KANK3: variants seen among roughly 807,000 people sequenced by gnomAD.
KANK3 encodes the protein KN motif and ankyrin repeat domains 3.
KANK3 carries 61 observed loss-of-function variants against 65.4 expected under a neutral mutation model. The observed-to-expected ratio is 0.93, with a 90% CI of 0.76 to 1.15. The LOEUF (loss-of-function observed/expected upper bound fraction) is 1.15, where lower values mean the gene tolerates loss of function less well. KANK3 is among the 50% of genes most tolerant of loss of function. The pLI is 0.00. For missense variants in KANK3, 1,187 were observed against 1,178.8 expected (o/e 1.01, Z -0.10); for synonymous variants, 586 against 543.3 (o/e 1.08, Z -1.09).
At position 8,333,935 on chromosome 19, in the gene KANK3, C is replaced by G; in HGVS notation, c.1609G>C (p.Glu537Gln). ...CTCCCCTGTGCCACCTGCTGAGGCT[C>G]TGCCTCCGCCTCGGGCTCAGGGTCC... is the stretch of plus-strand genomic sequence containing the variant. ...IRDPEPEAEA[E>Q]PQQVAQGRCE... is the part of the protein sequence containing the mutation. Residue 537 changes from glutamate (E) to glutamine (Q), a missense_variant, in exon 5 of 11, where the codon GAG (glutamate) becomes CAG (glutamine). Coordinates refer to ENST00000330915, the MANE Select transcript of KANK3 (RefSeq NM_198471.3). This position sits in a 1 kb window ranked among gnomAD's most constrained non-coding sequence, Gnocchi z 5.0. The G allele has an allele frequency of 6.3e-7, 1 of 1,575,994 alleles. No homozygotes were observed. The highest frequency in any genetic ancestry group is 8.6e-7 in the Non-Finnish European group (1 of 1,164,134).
At chr19:8,336,917 AG>A (rs1448672887) in intron 2 of KANK3, among the ~76,000 whole-genome samples, 1 of 151,982 alleles carries the variant, frequency 6.6e-6, no homozygotes, top group Admixed American at 6.6e-5. Flanking sequence ...TAAAGAAGGC[AG>A]GGGGAAGAGG....
chr19:8,325,084 A>G lies in KANK3; in HGVS notation c.1949T>C (p.Val650Ala). The G allele has an allele frequency of 6.2e-7, 1 of 1,612,374 alleles. No homozygotes were observed. Among genetic ancestry groups the G allele is most frequent in the African/African-American group, 1.3e-5 (1 of 74,936 alleles). The change falls in exon 8 of 11, where the codon GTC becomes GCC. Residue 650 changes from valine to alanine, a missense_variant. Coordinates refer to ENST00000330915, the MANE Select transcript of KANK3 (RefSeq NM_198471.3). Reference protein sequence around the residue: ...SLLLDTGACEVNRQNRAGYSA... With the variant: ...SLLLDTGACEANRQNRAGYSA... ...GTAGCCGGCTCGGTTCTGGCGGTTG[A>G]CCTCGCAGGCCCCTGGGAGAGAAAA...
intron 7 of KANK3, among the ~76,000 whole-genome samples, chr19:8,331,243 G>C (rs552214923): frequency 3.8e-4 from 58 of 152,064 alleles, no homozygotes; most frequent in African/African-American, 1.2e-3. Context: ...AAATGTAGGA[G>C]ATAAAGGGGC....
Position 8,322,762 on chromosome 19 carries a change from CTT to C in KANK3, c.*75_*76del. 8.8e-7 allele frequency: 1 copy of C among 1,142,372 alleles called. No homozygotes were observed. The highest frequency in any genetic ancestry group is 1.3e-6 in the Non-Finnish European group (1 of 773,914). 70.8% of individuals were successfully genotyped at this position (1,142,372 alleles called of 1,614,324 possible). ...GCCTCTGAGCAGGGGACCCTGGACC[CTT>C]CTGTGCGCCAAAGGCTGAGGTGACT... is the stretch of plus-strand genomic sequence containing the variant. On this transcript the variant is annotated 3_prime_UTR_variant, in exon 11 of 11. Transcript: ENST00000330915.
At chr19:8,324,402 C>G in intron 10 of KANK3, 47 bp downstream of exon 10, 1 of 1,513,450 alleles carries the variant, frequency 6.6e-7, no homozygotes, top group South Asian at 1.2e-5. Flanking sequence ...CCTCTGCAAA[C>G]TGAATTTGCA....
intron 7 of KANK3, among the ~76,000 whole-genome samples, chr19:8,330,613 A>C (rs1244117966): frequency 1.3e-5 from 2 of 152,112 alleles, no homozygotes; most frequent in African/African-American, 4.8e-5. Context: ...CTATAATCCC[A>C]GCTACTCGGG....
chr19:8,334,581 C>T lies in KANK3; in HGVS notation c.1246G>A (p.Glu416Lys). The T allele has an allele frequency of 1.3e-6, 2 of 1,594,592 alleles. No individual in the cohort carries two copies. Among genetic ancestry groups the T allele is most frequent in the Non-Finnish European group, 1.7e-6 (2 of 1,177,466 alleles). The change falls in exon 3 of 11, where the codon GAG becomes AAG. Residue 416 changes from glutamate (E) to lysine (K), a missense_variant. Transcript: ENST00000330915. Reference protein sequence around the residue: ...WSCAEKAAQTESPAEAPSLTQ... With the variant: ...WSCAEKAAQTKSPAEAPSLTQ... ...AAGGAGGGCGCCTCTGCCGGGGACT[C>T]GGTCTGCGCGGCCTTTTCGGCACAG... is the stretch of plus-strand genomic sequence containing the variant.
rs753179773 is a variant in KANK3 at position 8,334,603 on chromosome 19, A to T, written c.1224T>A (p.Cys408Ter). 6.3e-7 allele frequency: 1 copy of T among 1,585,462 alleles called. No homozygotes were observed. The highest frequency in any genetic ancestry group is 8.5e-7 in the Non-Finnish European group (1 of 1,173,774). The change falls in exon 3 of 11, where the codon TGT (cysteine) becomes TGA (stop). Residue 408 changes from cysteine (C) to a stop codon, truncating the protein, a stop_gained. Coordinates refer to ENST00000330915, the MANE Select transcript of KANK3 (RefSeq NM_198471.3). LOFTEE classifies it high-confidence loss of function. Reference sequence around the variant, plus strand: ...ACTCGGTCTGCGCGGCCTTTTCGGCACAGCTCCACGGGGTCTGGGTGGTGG... The same window carrying T: ...ACTCGGTCTGCGCGGCCTTTTCGGCTCAGCTCCACGGGGTCTGGGTGGTGG... ...REATTQTPWS[C>*]AEKAAQTESP... is the part of the protein sequence containing the mutation.
chr19:8,339,546 G>C lies in KANK3; in HGVS notation c.-28-1690C>G, dbSNP rs183373257. Among the ~76,000 whole-genome samples the C allele has an allele frequency of 3.6e-4, 55 of 152,120 alleles. No individual in the cohort carries two copies. In the East Asian group the frequency reaches 4.6e-3, roughly 13 times the overall value. ...GCTAATTTTTTGTATTTTTAGTAGA[G>C]ATAGGGTTTCATCATGTTGGCCAGG... On this transcript the variant is annotated intron_variant, in intron 1 of 10. Coordinates refer to ENST00000330915, the MANE Select transcript of KANK3 (RefSeq NM_198471.3).
chr19:8,333,957 G>T lies in KANK3; in HGVS notation c.1587C>A (p.Asp529Glu). 1 of 1,564,512 alleles carries T rather than the reference G, an allele frequency of 6.4e-7. No individual in the cohort carries two copies. The highest frequency in any genetic ancestry group is 1.8e-5 in the Admixed American group (1 of 55,306). ...PGPPSGGDIR[D>E]PEPEAEAEPQ... Reference sequence around the variant, plus strand: ...GCTCTGCCTCCGCCTCGGGCTCAGGGTCCCGGATGTCCCCGCCGCTGGGAG... The same window carrying T: ...GCTCTGCCTCCGCCTCGGGCTCAGGTTCCCGGATGTCCCCGCCGCTGGGAG... Residue 529 changes from aspartate to glutamate, a missense_variant, in exon 5 of 11, where the codon GAC becomes GAA. Around this residue, in one of 3 missense-constraint regions of KANK3, gnomAD observed 1,078 missense variants for 1,038.2 expected, o/e 1.04. Coordinates refer to ENST00000330915, the MANE Select transcript of KANK3 (RefSeq NM_198471.3). The surrounding 1 kb of genome is among the most constrained non-coding windows in gnomAD (Gnocchi z 5.0).
intron 1 of KANK3, among the ~76,000 whole-genome samples, chr19:8,338,991 C>G (rs1970687368): frequency 6.6e-6 from 1 of 151,658 alleles, no homozygotes; most frequent in Non-Finnish European, 1.5e-5. Context: ...CACCAAAGAT[C>G]CAAATCAACA....
Position 8,333,604 on chromosome 19 carries a change from G to T in KANK3, c.1719+120C>A. On this transcript the variant is annotated intron_variant, in intron 6 of 10. Coordinates refer to ENST00000330915, the MANE Select transcript of KANK3 (RefSeq NM_198471.3). The surrounding 1 kb of genome is among the most constrained non-coding windows in gnomAD (Gnocchi z 5.0). ...GGAAGGAGATCCCTTCGGAGAGCCTGGGGTCAGGCGAGGTGCCTGGCGGGA... is the reference window on the plus strand; with the variant it reads ...GGAAGGAGATCCCTTCGGAGAGCCTTGGGTCAGGCGAGGTGCCTGGCGGGA... 3 of 782,046 alleles carry T rather than the reference G, an allele frequency of 3.8e-6. No homozygotes were observed. The highest frequency in any genetic ancestry group is 5.8e-6 in the Non-Finnish European group (3 of 517,598). The allele number at this position is 782,046 out of a possible 1,614,324, so 48.4% of individuals were successfully genotyped here. A position where few individuals can be genotyped will look rare whatever the true frequency, so the allele number is the denominator to read the frequency against.
chr19:8,334,622 G>C lies in KANK3; in HGVS notation c.1205C>G (p.Thr402Ser), dbSNP rs1487108683. 1.9e-6 allele frequency: 3 copies of C among 1,568,410 alleles called. No individual in the cohort carries two copies. The highest frequency in any genetic ancestry group is 2.3e-5 in the South Asian group (2 of 86,934). ...TTCGGCACAGCTCCACGGGGTCTGG[G>C]TGGTGGCCTCGCGTAGCTGGGCCCG... Reference protein sequence around the residue: ...GARAQLREATTQTPWSCAEKA... With the variant: ...GARAQLREATSQTPWSCAEKA... Residue 402 changes from threonine to serine, a missense_variant, in exon 3 of 11, where the codon ACC becomes AGC. Transcript: ENST00000330915.
chr19:8,323,273 T>C (rs1485554872), intron 10 of KANK3: 1 of 181,268 alleles, frequency 5.5e-6, no homozygotes, highest in East Asian at 1.4e-4. Flanking sequence ...TAGCCTGTAG[T>C]TGGGGAAACT....
rs545571126 is a variant in KANK3 at position 8,325,522 on chromosome 19, C to G, written c.1937-426G>C. On this transcript the variant is annotated intron_variant, in intron 7 of 10. Transcript: ENST00000330915. ...TCCTGACCTCAAGTGATCCACCCACCGTAGCCTCCCAAAGTGCTGGAATTA... is the reference window on the plus strand; with the variant it reads ...TCCTGACCTCAAGTGATCCACCCACGGTAGCCTCCCAAAGTGCTGGAATTA... 4.0e-5 allele frequency among the ~76,000 whole-genome samples: 6 copies of G among 151,744 alleles called. No homozygotes were observed. In the South Asian group the frequency reaches 8.3e-4, roughly 21 times the overall value.
In KANK3 at chr19:8,333,315, AAG is replaced by A. The variant is rs1970564302; in HGVS notation, c.1720-87_1720-86del. The A allele has an allele frequency of 8.8e-7, 1 of 1,136,776 alleles. No individual in the cohort carries two copies. Among genetic ancestry groups the A allele is most frequent in the Non-Finnish European group, 1.2e-6 (1 of 804,082 alleles). The allele number at this position is 1,136,776 out of a possible 1,614,324, so 70.4% of individuals were successfully genotyped here. A position where few individuals can be genotyped will look rare whatever the true frequency, so the allele number is the denominator to read the frequency against. On this transcript the variant is annotated intron_variant, in intron 6 of 10. Transcript: ENST00000330915. This position sits in a 1 kb window ranked among gnomAD's most constrained non-coding sequence, Gnocchi z 5.0. ...GGAGCTGGGGAGGGGCGGGACTGGG[AAG>A]AGACCCATTTGGCGTTTCCAGGCAA...
In KANK3 at chr19:8,333,982, G is replaced by A. The variant is rs1257590727; in HGVS notation, c.1562C>T (p.Pro521Leu). The change falls in exon 5 of 11, where the codon CCT (proline) becomes CTT (leucine). Residue 521 changes from proline (P) to leucine (L), a missense_variant. By Grantham distance (98) the Pro-to-Leu change is moderately conservative (BLOSUM62 -3). Coordinates refer to ENST00000330915, the MANE Select transcript of KANK3 (RefSeq NM_198471.3). This position sits in a 1 kb window ranked among gnomAD's most constrained non-coding sequence, Gnocchi z 5.0. ...GTCCCGGATGTCCCCGCCGCTGGGAGGGCCAGGGGTGCCCGAGTCGGATCC... is the reference window on the plus strand; with the variant it reads ...GTCCCGGATGTCCCCGCCGCTGGGAAGGCCAGGGGTGCCCGAGTCGGATCC... ...GGGSDSGTPG[P>L]PSGGDIRDPE... 22 of 1,566,736 alleles carry A rather than the reference G, an allele frequency of 1.4e-5. No individual in the cohort carries two copies. The highest frequency in any genetic ancestry group is 3.5e-5 in the South Asian group (3 of 86,442).
At chr19:8,326,815 AC>A (rs1384547544) in intron 7 of KANK3, among the ~76,000 whole-genome samples, 3 of 150,710 alleles carry the variant, frequency 2.0e-5, no homozygotes. Context: ...AAAAAAAAAA[AC>A]CTGCCAACAC....
Position 8,333,742 on chromosome 19 carries a change from G to C in KANK3, c.1701C>G (p.Arg567=). The stretch of plus-strand genomic sequence containing the variant: ...CACTCACGCCGTCGCTGGCTACTCC[G>C]CGGGGCCGGCTCAGCTGCCGCTGCA... ...VALQRQLSRP[R]GVASDGGAVR... Residue 567 remains arginine (R), a synonymous_variant, in exon 6 of 11, where the codon CGC becomes CGG. Coordinates refer to ENST00000330915, the MANE Select transcript of KANK3 (RefSeq NM_198471.3). This position sits in a 1 kb window ranked among gnomAD's most constrained non-coding sequence, Gnocchi z 5.0. The C allele has an allele frequency of 6.8e-7, 1 of 1,470,948 alleles. No homozygotes were observed. The highest frequency in any genetic ancestry group is 9.0e-7 in the Non-Finnish European group (1 of 1,107,782). The allele number at this position is 1,470,948 out of a possible 1,614,324, so 91.1% of individuals were successfully genotyped here.
Sources: gnomAD v4.1 joint callset for allele counts (sites outside exome capture counted in the v4.1 genomes callset) on GRCh38, gnomAD v4.1.1 for gene constraint, gnomAD v4.1.1 regional missense constraint, Gnocchi (gnomAD v3.1) non-coding constraint, MANE v1.5 for transcripts, NCBI Gene and HGNC (gene_info 2026-07-23, HGNC 2026-07-21) for gene names.